The following AXIN1 variants were observed in gnomAD, a reference collection of about 807,000 sequenced individuals.
AXIN1 encodes the protein axin-1.
A neutral mutation model predicts 76.4 loss-of-function variants in AXIN1; 30 were observed. The observed-to-expected ratio is 0.39, with a 90% CI of 0.29 to 0.53. The LOEUF is 0.53. Ranked by LOEUF, AXIN1 falls within the 20% of genes least tolerant of loss-of-function variation. The pLI is 0.66. For synonymous variants in AXIN1, 545 were observed against 501.4 expected (o/e 1.09, Z -1.16); for missense variants, 1,140 against 1,198.8 (o/e 0.95, Z 0.72).
chr16:345,823 GCTC>G (rs1597124512), intron 2 of AXIN1, among the ~76,000 whole-genome samples: 1 of 152,110 alleles, frequency 6.6e-6, no homozygotes, highest in East Asian at 1.9e-4. Context: ...GGTAGATCCA[GCTC>G]CTATTTAAGA....
chr16:313,854 CAATGAAAG>C (rs1009403738), intron 3 of AXIN1, among the ~76,000 whole-genome samples: 2 of 152,240 alleles, frequency 1.3e-5, no homozygotes, highest in African/African-American at 4.8e-5. Flanking sequence ...TTTCCCTGGA[CAATGAAAG>C]AATAAGCTTC....
At chr16:332,661 A>AT (rs2053718468) in intron 2 of AXIN1, among the ~76,000 whole-genome samples, 1 of 122,748 alleles carries the variant, frequency 8.1e-6, no homozygotes, top group Non-Finnish European at 1.7e-5. Flanking sequence ...GTTGATCTAA[A>AT]CCAAAAAAAA....
intron 10 of AXIN1, 62 bp from the exon 11 acceptor site, chr16:288,310 T>C (rs1421870532): frequency 6.2e-7 from 1 of 1,606,266 alleles, no homozygotes; most frequent in East Asian, 2.2e-5. Flanking sequence ...AGGAGGCCTG[T>C]GGCAGGGGAC....
chr16:310,109 G>A lies in AXIN1; in HGVS notation c.1020-40C>T, dbSNP rs1239275170. On this transcript the variant is annotated intron_variant, in intron 3 of 10. Coordinates refer to ENST00000262320, the MANE Select transcript of AXIN1 (RefSeq NM_003502.4). ...GAGGCAGCCGTTAACTCAGAGAGGA[G>A]CAGGAGGGCCAGCACCGTGCCAATA... is the stretch of plus-strand genomic sequence containing the variant. 3.2e-6 allele frequency: 5 copies of A among 1,563,164 alleles called. No individual in the cohort carries two copies. In the Admixed American group the frequency reaches 5.6e-5, roughly 17 times the overall value.
chr16:311,114 G>T (rs2053165322), intron 3 of AXIN1, among the ~76,000 whole-genome samples: 1 of 151,902 alleles, frequency 6.6e-6, no homozygotes, highest in Non-Finnish European at 1.5e-5. Flanking sequence ...ATCACTGCAA[G>T]CCGCTCCCGG....
chr16:326,372 A>AAT (rs67811547), intron 2 of AXIN1, among the ~76,000 whole-genome samples: 1,637 of 86,288 alleles, frequency 0.019, 85 homozygotes, highest in East Asian at 0.16. Flanking sequence ...AAAAAAAAAA[A>AAT]ATATATATAT....
rs2141710066 is a variant in AXIN1, at chr16:346,992, G to C, written c.34C>G (p.Leu12Val). The C allele has an allele frequency of 6.2e-7, 1 of 1,614,214 alleles. No individual in the cohort carries two copies. Among genetic ancestry groups the C allele is most frequent in the Non-Finnish European group, 8.5e-7 (1 of 1,180,050 alleles). ...GCATCTTCGGTGAAACTTGCTCCGA[G>C]GTCCAAGGGGAAACCCTGCTCTTGG... is the stretch of plus-strand genomic sequence containing the variant. ...NIQEQGFPLD[L>V]GASFTEDAPR... Residue 12 changes from leucine (L) to valine (V), a missense_variant, in exon 2 of 11, where the codon CTC becomes GTC. Leu to Val is a conservative substitution (Grantham distance 32). Transcript: ENST00000262320.
chr16:289,273 C>T (rs2052482662), intron 10 of AXIN1, among the ~76,000 whole-genome samples, 167 bp downstream of exon 10: 3 of 152,082 alleles, frequency 2.0e-5, no homozygotes, highest in African/African-American at 7.2e-5. Context: ...ACCATGTTGC[C>T]CAGGCTGGTC....
chr16:334,573 A>C (rs1362946049), intron 2 of AXIN1, among the ~76,000 whole-genome samples: 1 of 151,664 alleles, frequency 6.6e-6, no homozygotes, highest in Non-Finnish European at 1.5e-5. Flanking sequence ...GTACCATGGC[A>C]CACTAATTAC....
rs1419901271 is a variant in AXIN1 at position 322,928 on chromosome 16, A to G, written c.879-8245T>C. Among the ~76,000 whole-genome samples, 5 of 152,316 alleles carry G rather than the reference A, an allele frequency of 3.3e-5. No homozygotes were observed. In the East Asian group the frequency reaches 7.7e-4, roughly 24 times the overall value. On this transcript the variant is annotated intron_variant, in intron 2 of 10. Transcript: ENST00000262320. Reference sequence around the variant, plus strand: ...TCTGGTCTGCAGTCATGTCCAGGGAAGGGGCTCTGGCACCAGATGGCAGGG... The same window carrying G: ...TCTGGTCTGCAGTCATGTCCAGGGAGGGGGCTCTGGCACCAGATGGCAGGG...
At position 293,441 on chromosome 16, in the gene AXIN1, G is replaced by A. The variant is rs1417125140; in HGVS notation, c.2186+47C>T. The stretch of plus-strand genomic sequence containing the variant: ...GGGGAGCTTCAGCCCCAGGAGTGGT[G>A]CTGTGGTAACCCCCAAGACCCACCC... On this transcript the variant is annotated intron_variant, in intron 8 of 10. Transcript: ENST00000262320. The surrounding 1 kb of genome is among the most constrained non-coding windows in gnomAD (Gnocchi z 4.6). The A allele has an allele frequency of 6.4e-7, 1 of 1,574,386 alleles. No individual in the cohort carries two copies. The highest frequency in any genetic ancestry group is 8.7e-7 in the Non-Finnish European group (1 of 1,154,410).
chr16:350,148 C>T (rs80163559), intron 1 of AXIN1, among the ~76,000 whole-genome samples: 4,414 of 152,262 alleles, frequency 0.029, 189 homozygotes, highest in African/African-American at 0.096. Flanking sequence ...AATTTTCTTA[C>T]AATCATGTGT....
chr16:288,932 G>A (rs528307265), intron 10 of AXIN1, among the ~76,000 whole-genome samples: 5 of 152,330 alleles, frequency 3.3e-5, no homozygotes, highest in East Asian at 3.9e-4. Flanking sequence ...TTCCCACCCC[G>A]AAGATGAGGG....
At chr16:320,191 C>T (rs185072485) in intron 2 of AXIN1, among the ~76,000 whole-genome samples, 22 of 152,272 alleles carry the variant, frequency 1.4e-4, no homozygotes, top group African/African-American at 3.6e-4. Context: ...GGACAACAGG[C>T]GCACACTACC....
At chr16:297,258 C>T in intron 6 of AXIN1, 32 bp from the exon 7 acceptor site, 1 of 1,600,788 alleles carries the variant, frequency 6.2e-7, no homozygotes, top group Non-Finnish European at 8.5e-7. Context: ...GTCGCCCTGG[C>T]CTCCGGTGGC....
chr16:311,822 T>C (rs2053188329), intron 3 of AXIN1, among the ~76,000 whole-genome samples: 1 of 152,046 alleles, frequency 6.6e-6, no homozygotes, highest in Non-Finnish European at 1.5e-5. Context: ...GCACGGCAGC[T>C]CCAGGGATCC....
At chr16:342,985 G>A (rs2053959979) in intron 2 of AXIN1, among the ~76,000 whole-genome samples, 1 of 152,180 alleles carries the variant, frequency 6.6e-6, no homozygotes, top group Non-Finnish European at 1.5e-5. Flanking sequence ...TAAATGTGAG[G>A]AACGCAGCCT....
intron 1 of AXIN1, among the ~76,000 whole-genome samples, chr16:348,405 C>T (rs1206180023): frequency 6.6e-6 from 1 of 152,248 alleles, no homozygotes. Context: ...GCCACCACTC[C>T]ACACTGCTGT....
At position 291,280 on chromosome 16, in the gene AXIN1, A is replaced by G. The variant is rs1178444546; in HGVS notation, c.2204T>C (p.Met735Thr). The G allele has an allele frequency of 6.3e-7, 1 of 1,580,812 alleles. No individual in the cohort carries two copies. The highest frequency in any genetic ancestry group is 8.6e-7 in the Non-Finnish European group (1 of 1,164,288). The change falls in exon 9 of 11, where the codon ATG (methionine) becomes ACG (threonine). Residue 735 changes from methionine to threonine, a missense_variant. This residue lies in a region of AXIN1 where 429 missense variants were observed against 405.8 expected (regional missense o/e 1.06). Coordinates refer to ENST00000262320, the MANE Select transcript of AXIN1 (RefSeq NM_003502.4). ...PSKQRYVQEV[M>T]RRGRACVRPA... The stretch of plus-strand genomic sequence containing the variant: ...CCTGACGCAGGCGCGTCCCCGCCGC[A>G]TAACCTCCTGCACATACCTAGGGAA...
Sources: allele counts gnomAD v4.1 joint callset (sites outside exome capture counted in the v4.1 genomes callset), GRCh38; gene constraint gnomAD v4.1.1; regional missense constraint gnomAD v4.1.1; non-coding constraint Gnocchi (gnomAD v3.1); transcripts MANE v1.5; gene names NCBI Gene and HGNC (gene_info 2026-07-23, HGNC 2026-07-21).